BRINP3: variants seen among roughly 807,000 people sequenced by gnomAD.
BRINP3 encodes BMP/retinoic acid inducible neural specific 3.
A neutral mutation model predicts 71.0 loss-of-function variants in BRINP3; 19 were observed. The ratio of observed to expected loss-of-function variants is 0.27; its 90% CI spans 0.19 to 0.39. The LOEUF (loss-of-function observed/expected upper bound fraction) is 0.39. Ranked by LOEUF, BRINP3 falls within the 10% of genes least tolerant of loss-of-function variation. The probability of loss-of-function intolerance (pLI) is 1.00; values close to 1 mark genes in which losing one functional copy is unlikely to be tolerated. For missense variants in BRINP3, 959 were observed against 940.8 expected (o/e 1.02, Z -0.25); for synonymous variants, 380 against 337.7 (o/e 1.13, Z -1.37).
intron 4 of BRINP3, among the ~76,000 whole-genome samples, chr1:190,259,655 TAAATAAATA>T (rs1272126270): frequency 7.7e-6 from 1 of 130,342 alleles, no homozygotes; most frequent in Non-Finnish European, 1.6e-5. Context: ...AATAAATAAA[TAAATAAATA>T]AAATAAAGTG....
chr1:190,172,168 G>C (rs577686509), intron 6 of BRINP3, among the ~76,000 whole-genome samples: 1 of 147,288 alleles, frequency 6.8e-6, no homozygotes, highest in African/African-American at 2.5e-5. Flanking sequence ...CCTACTAGAT[G>C]AAAAATAAAA....
intron 6 of BRINP3, among the ~76,000 whole-genome samples, chr1:190,193,461 T>C (rs576933947): frequency 3.6e-4 from 55 of 152,206 alleles, no homozygotes; most frequent in African/African-American, 1.3e-3. Context: ...AAGAGAGTTA[T>C]CAGTTTTATT....
In BRINP3 at chr1:190,472,306, C is replaced by T. The variant is rs184743699; in HGVS notation, c.-51+5142G>A. ...AACTGAAATTCAGGAAGGAAGTCTA[C>T]GTGTACAAGCACTCTACTTTTCCCA... On this transcript the variant is annotated intron_variant, in intron 1 of 7. Transcript: ENST00000367462. Among the ~76,000 whole-genome samples, 439 of 151,518 alleles carry T rather than the reference C, an allele frequency of 2.9e-3. 2 individuals carry two copies. Among genetic ancestry groups the T allele is most frequent in the African/African-American group, 0.01 (417 of 41,456 alleles).
chr1:190,396,035 G>A (rs1671545369), intron 2 of BRINP3, among the ~76,000 whole-genome samples: 1 of 151,816 alleles, frequency 6.6e-6, no homozygotes, highest in African/African-American at 2.4e-5. Context: ...GATTTTTGTT[G>A]TGCTGATAAT....
chr1:190,169,883 G>A (rs779926780), intron 6 of BRINP3, among the ~76,000 whole-genome samples: 1 of 151,978 alleles, frequency 6.6e-6, no homozygotes, highest in African/African-American at 2.4e-5. Flanking sequence ...GGATTAGCCC[G>A]TTTAATCCTT....
intron 3 of BRINP3, among the ~76,000 whole-genome samples, chr1:190,269,516 T>A (rs1354056712): frequency 6.6e-6 from 1 of 152,056 alleles, no homozygotes; most frequent in African/African-American, 2.4e-5. Flanking sequence ...GACAAATGGT[T>A]AATTCCTCTA....
intron 3 of BRINP3, among the ~76,000 whole-genome samples, chr1:190,272,059 T>C (rs1427457647): frequency 6.6e-6 from 1 of 151,508 alleles, no homozygotes. Flanking sequence ...AACATCATCA[T>C]CACAAATAAG....
chr1:190,209,801 C>T lies in BRINP3; in HGVS notation c.961+16281G>A, dbSNP rs139503559. On this transcript the variant is annotated intron_variant, in intron 6 of 7. Coordinates refer to ENST00000367462, the MANE Select transcript of BRINP3 (RefSeq NM_199051.3). ...CTTTAGGTCCAAATTCTATAGATTG[C>T]TGTCTTTATTTTTCAGTGCAATAAT... Among the ~76,000 whole-genome samples the T allele has an allele frequency of 3.3e-3, 508 of 152,198 alleles. 1 individual carries two copies. The highest frequency in any genetic ancestry group is 0.012 in the African/African-American group (487 of 41,558).
chr1:190,366,631 A>G (rs529139162), intron 2 of BRINP3, among the ~76,000 whole-genome samples: 1 of 152,296 alleles, frequency 6.6e-6, no homozygotes, highest in East Asian at 1.9e-4. Flanking sequence ...CTCATCTGAG[A>G]CAAGGCAAGT....
At chr1:190,329,413 A>G (rs886934578) in intron 2 of BRINP3, among the ~76,000 whole-genome samples, 7 of 151,976 alleles carry the variant, frequency 4.6e-5, no homozygotes, top group African/African-American at 1.7e-4. Flanking sequence ...TACATCAATA[A>G]TACAATACCA....
In BRINP3 at chr1:190,236,946, C is replaced by T. The variant is rs575958891; in HGVS notation, c.619-2469G>A. 3.9e-5 allele frequency among the ~76,000 whole-genome samples: 6 copies of T among 151,964 alleles called. No individual in the cohort carries two copies. In the South Asian group the frequency reaches 1.2e-3, roughly 31 times the overall value. ...GTAAAATTGGCATTAAGCTCATACT[C>T]ATTGACATAGTGATCTTGGAAAAGG... is the stretch of plus-strand genomic sequence containing the variant. On this transcript the variant is annotated intron_variant, in intron 4 of 7. Coordinates refer to ENST00000367462, the MANE Select transcript of BRINP3 (RefSeq NM_199051.3).
intron 7 of BRINP3, among the ~76,000 whole-genome samples, chr1:190,124,736 G>GA (rs930128573): frequency 6.6e-6 from 1 of 152,064 alleles, no homozygotes; most frequent in African/African-American, 2.4e-5. Context: ...AAGGGGCAGA[G>GA]ATGTGCAAAA....
chr1:190,473,307 A>G (rs180891054), intron 1 of BRINP3, among the ~76,000 whole-genome samples: 13 of 152,156 alleles, frequency 8.5e-5, no homozygotes, highest in Non-Finnish European at 1.5e-4. Context: ...AACTAAGAAA[A>G]GCACTACAAC....
chr1:190,189,735 A>G (rs1030778580), intron 6 of BRINP3, among the ~76,000 whole-genome samples: 3 of 152,056 alleles, frequency 2.0e-5, no homozygotes, highest in Non-Finnish European at 4.4e-5. Flanking sequence ...TGAATTCTTT[A>G]TCAGACAATT....
At chr1:190,408,019 C>CTTTTTTTTTTTT (rs34343187) in intron 2 of BRINP3, among the ~76,000 whole-genome samples, 9 of 99,780 alleles carry the variant, frequency 9.0e-5, no homozygotes, top group Non-Finnish European at 1.6e-4. Context: ...CTACATTTGT[C>CTTTTTTTTTTTT]TTTTTTTTTT....
chr1:190,474,304 ACCAAC>A (rs1677354098), intron 1 of BRINP3: 1 of 152,646 alleles, frequency 6.6e-6, no homozygotes, highest in Admixed American at 6.5e-5. Context: ...TCATAGCAGG[ACCAAC>A]TGAAAATGCA....
chr1:190,282,358 A>C (rs1166125220), intron 2 of BRINP3, among the ~76,000 whole-genome samples: 1 of 151,976 alleles, frequency 6.6e-6, no homozygotes, highest in Non-Finnish European at 1.5e-5. Flanking sequence ...CCAAGTTAGA[A>C]AAATGAAAGA....
intron 4 of BRINP3, among the ~76,000 whole-genome samples, chr1:190,255,232 C>CTA (rs1332695427): frequency 2.1e-5 from 3 of 143,666 alleles, no homozygotes; most frequent in African/African-American, 8.1e-5. Context: ...GTCTAAAATT[C>CTA]TCTCTTTTTT....
At chr1:190,331,401 T>C (rs1427373943) in intron 2 of BRINP3, among the ~76,000 whole-genome samples, 1 of 151,982 alleles carries the variant, frequency 6.6e-6, no homozygotes, top group African/African-American at 2.4e-5. Flanking sequence ...CACACCATAT[T>C]TAGTCCATTA....
Sources: allele counts gnomAD v4.1 joint callset (sites outside exome capture counted in the v4.1 genomes callset), GRCh38; gene constraint gnomAD v4.1.1; transcripts MANE v1.5; gene names NCBI Gene and HGNC (gene_info 2026-07-23, HGNC 2026-07-21).